The following LSAMP variants were observed in gnomAD, a reference collection of about 807,000 sequenced individuals.
LSAMP encodes the protein limbic system-associated membrane protein.
Under a neutral mutation model 38.6 loss-of-function variants are expected in LSAMP, and 7 were observed. That is an observed-to-expected ratio of 0.18 (90% confidence interval 0.10 to 0.34). The LOEUF is 0.34. Among genes scored for constraint, LSAMP ranks in the 10% least tolerant of loss-of-function variants. LSAMP has a pLI of 1.00. For missense variants in LSAMP, 313 were observed against 420.0 expected (o/e 0.75, Z 2.23); for synonymous variants, 154 against 166.8 (o/e 0.92, Z 0.59).
chr3:115,856,284 T>A (rs1372541735), intron 3 of LSAMP, among the ~76,000 whole-genome samples: 1 of 152,148 alleles, frequency 6.6e-6, no homozygotes, highest in Non-Finnish European at 1.5e-5. Flanking sequence ...GATTAGGTCA[T>A]GAAGATGGAG....
At chr3:116,342,738 T>C (rs2048012707) in intron 1 of LSAMP, among the ~76,000 whole-genome samples, 1 of 152,114 alleles carries the variant, frequency 6.6e-6, no homozygotes. Context: ...ATCAAGAGCA[T>C]GTGACATGCT....
chr3:116,395,697 G>A (rs1215437643), intron 1 of LSAMP, among the ~76,000 whole-genome samples: 3 of 152,054 alleles, frequency 2.0e-5, no homozygotes, highest in Admixed American at 2.0e-4. Context: ...TAGAAACAGG[G>A]CAAGTAAAGC....
chr3:115,976,849 T>A (rs969573223), intron 3 of LSAMP, among the ~76,000 whole-genome samples: 2 of 152,152 alleles, frequency 1.3e-5, no homozygotes, highest in African/African-American at 4.8e-5. Context: ...CTGCCATGAT[T>A]GTCATGCCAC....
chr3:116,154,136 T>C (rs1011660883), intron 1 of LSAMP, among the ~76,000 whole-genome samples: 6 of 152,154 alleles, frequency 3.9e-5, no homozygotes, highest in Non-Finnish European at 5.9e-5. Context: ...TGTTTTGTTA[T>C]ATATTTTTAG....
chr3:116,355,367 A>G (rs1292766375), intron 1 of LSAMP, among the ~76,000 whole-genome samples: 1 of 152,206 alleles, frequency 6.6e-6, no homozygotes, highest in Non-Finnish European at 1.5e-5. Flanking sequence ...AATGGTCCTG[A>G]GAAAACTGGA....
intron 1 of LSAMP, among the ~76,000 whole-genome samples, chr3:116,397,788 C>T (rs1181759592): frequency 1.3e-5 from 2 of 152,052 alleles, no homozygotes; most frequent in East Asian, 3.9e-4. Flanking sequence ...TTTCTTGTAG[C>T]ACGAGTCATA....
At chr3:115,918,264 G>GT (rs1343986292) in intron 3 of LSAMP, among the ~76,000 whole-genome samples, 2 of 152,134 alleles carry the variant, frequency 1.3e-5, no homozygotes, top group Non-Finnish European at 2.9e-5. Context: ...TGATGCAAAG[G>GT]TTATGGATTA....
At chr3:116,366,986 T>C (rs971617577) in intron 1 of LSAMP, among the ~76,000 whole-genome samples, 3 of 152,184 alleles carry the variant, frequency 2.0e-5, no homozygotes, top group Non-Finnish European at 4.4e-5. Context: ...GTAAGACAGC[T>C]GGTATATCTA....
chr3:116,065,603 G>A (rs896495468), intron 2 of LSAMP, among the ~76,000 whole-genome samples: 1 of 152,068 alleles, frequency 6.6e-6, no homozygotes, highest in Non-Finnish European at 1.5e-5. Flanking sequence ...ATAAAATAGG[G>A]ACTGTAATAT....
chr3:116,197,115 A>G (rs1710902031), intron 1 of LSAMP, among the ~76,000 whole-genome samples: 1 of 142,180 alleles, frequency 7.0e-6, no homozygotes, highest in South Asian at 2.3e-4. Flanking sequence ...GCCTAAAACA[A>G]AAGTATCCCA....
chr3:116,384,374 A>G (rs1243972045), intron 1 of LSAMP, among the ~76,000 whole-genome samples: 1 of 152,080 alleles, frequency 6.6e-6, no homozygotes, highest in Admixed American at 6.6e-5. Flanking sequence ...CATTAGGATC[A>G]CCTAAAAATA....
chr3:116,094,600 G>T (rs1708186056), intron 1 of LSAMP, among the ~76,000 whole-genome samples: 1 of 152,174 alleles, frequency 6.6e-6, no homozygotes, highest in Non-Finnish European at 1.5e-5. Context: ...GATGTTCAGG[G>T]CAGGGTAAGA....
chr3:116,410,045 T>C (rs909475383), intron 1 of LSAMP, among the ~76,000 whole-genome samples: 2 of 152,102 alleles, frequency 1.3e-5, no homozygotes, highest in Non-Finnish European at 2.9e-5. Flanking sequence ...TCAAGAACAG[T>C]CCTTTAGTTT....
intron 1 of LSAMP, among the ~76,000 whole-genome samples, chr3:116,403,810 G>C (rs573579693): frequency 2.4e-4 from 36 of 152,088 alleles, no homozygotes; most frequent in Admixed American, 7.9e-4. Context: ...GAGTGCAGGG[G>C]GGGTGATCAT....
intron 1 of LSAMP, among the ~76,000 whole-genome samples, chr3:116,204,410 A>G (rs979564803): frequency 2.7e-5 from 4 of 150,120 alleles, no homozygotes; most frequent in Non-Finnish European, 4.4e-5. Flanking sequence ...GTTTAATTAA[A>G]CCCCATTTGT....
intron 1 of LSAMP, among the ~76,000 whole-genome samples, chr3:116,112,479 T>C (rs1211059934): frequency 6.6e-6 from 1 of 152,172 alleles, no homozygotes; most frequent in African/African-American, 2.4e-5. Flanking sequence ...AAATGATCTA[T>C]AAATTAGTAT....
At chr3:116,347,690 C>A (rs191654125) in intron 1 of LSAMP, among the ~76,000 whole-genome samples, 16 of 152,192 alleles carry the variant, frequency 1.1e-4, no homozygotes, top group Admixed American at 2.0e-4. Flanking sequence ...ACAGGAAAAA[C>A]CAAGAGGACG....
chr3:116,173,307 T>A (rs1312947049), intron 1 of LSAMP, among the ~76,000 whole-genome samples: 1 of 152,052 alleles, frequency 6.6e-6, no homozygotes, highest in Non-Finnish European at 1.5e-5. Flanking sequence ...CCACTACATT[T>A]GTTTTAATTG....
chr3:116,356,731 A>G (rs2048227715), intron 1 of LSAMP, among the ~76,000 whole-genome samples: 2 of 152,204 alleles, frequency 1.3e-5, no homozygotes, highest in South Asian at 4.1e-4. Context: ...TGTATCCATA[A>G]TCATTTTTTA....
Sources: allele counts gnomAD v4.1 joint callset (sites outside exome capture counted in the v4.1 genomes callset), GRCh38; gene constraint gnomAD v4.1.1; transcripts MANE v1.5; gene names NCBI Gene and HGNC (gene_info 2026-07-23, HGNC 2026-07-21).